COL14A1: variants seen among roughly 807,000 people sequenced by gnomAD.
COL14A1 encodes the protein collagen alpha-1(XIV) chain.
Under a neutral mutation model 230.3 loss-of-function variants are expected in COL14A1, and 136 were observed. That is an observed-to-expected ratio of 0.59 (90% CI 0.51 to 0.68). COL14A1 has a LOEUF of 0.68. Ranked by LOEUF, COL14A1 falls within the 30% of genes least tolerant of loss-of-function variation. The pLI, the probability that COL14A1 is intolerant of heterozygous loss-of-function variation, is 0.00. For synonymous variants in COL14A1, 792 were observed against 784.1 expected (o/e 1.01, Z -0.17); for missense variants, 1,976 against 2,215.8 (o/e 0.89, Z 2.17).
At chr8:120,138,033 T>TA (rs1039023510) in intron 1 of COL14A1, among the ~76,000 whole-genome samples, 2 of 152,136 alleles carry the variant, frequency 1.3e-5, no homozygotes, top group African/African-American at 4.8e-5. Flanking sequence ...ATTTTACTGT[T>TA]ACACTTAAAA....
At chr8:120,346,646 CCTTT>C (rs1389421039) in intron 45 of COL14A1, among the ~76,000 whole-genome samples, 4 of 152,302 alleles carry the variant, frequency 2.6e-5, no homozygotes, top group East Asian at 1.9e-4. Context: ...TCCTTTCCTT[CCTTT>C]GTCTTCCATA....
At chr8:120,242,164 A>G (rs1171944414) in intron 19 of COL14A1, among the ~76,000 whole-genome samples, 1 of 152,236 alleles carries the variant, frequency 6.6e-6, no homozygotes, top group Non-Finnish European at 1.5e-5. Flanking sequence ...ATCTACAAAT[A>G]TTCCTGAATC....
intron 20 of COL14A1, among the ~76,000 whole-genome samples, chr8:120,246,062 G>T (rs1024851801): frequency 3.0e-4 from 46 of 152,148 alleles, no homozygotes; most frequent in African/African-American, 1.0e-3. Context: ...GGTTCAAAAT[G>T]GTGTCAAGGG....
intron 42 of COL14A1, among the ~76,000 whole-genome samples, chr8:120,335,095 A>G (rs1489388424): frequency 6.6e-6 from 1 of 152,116 alleles, no homozygotes; most frequent in Non-Finnish European, 1.5e-5. Context: ...GGGAATGGGG[A>G]AGAAGGAAGG....
rs776559431 is a variant in COL14A1, at chr8:120,262,766, G to A, written c.2870-102G>A. 1.3e-5 allele frequency: 15 copies of A among 1,116,178 alleles called. No homozygotes were observed. In the East Asian group the frequency reaches 3.3e-4, roughly 24 times the overall value. The allele number at this position is 1,116,178 out of a possible 1,614,324, so 69.1% of individuals were successfully genotyped here. ...AACTCATTCTGGAGTTATCTGATGT[G>A]GGCTAACATGTGAAGTATTTTAGAA... On this transcript the variant is annotated intron_variant, in intron 23 of 47. Coordinates refer to ENST00000297848, the MANE Select transcript of COL14A1 (RefSeq NM_021110.4).
At position 120,262,992 on chromosome 8, in the gene COL14A1, T is replaced by C. The variant is rs1228762464; in HGVS notation, c.2994T>C (p.Ser998=). The C allele has an allele frequency of 2.5e-6, 4 of 1,609,872 alleles. No homozygotes were observed. Among genetic ancestry groups the C allele is most frequent in the Non-Finnish European group, 3.4e-6 (4 of 1,178,770 alleles). The part of the protein sequence containing the change: ...YTKLQEIEGP[S]VSIMEKTQSL... ...AGCTCCAGGAGATTGAAGGACCTAG[T>C]GTGAGCATAATGGAAAAAACACGTA... is the stretch of plus-strand genomic sequence containing the variant. Residue 998 remains serine (S), a synonymous_variant, in exon 24 of 48, where the codon AGT becomes AGC. Transcript: ENST00000297848.
intron 42 of COL14A1, among the ~76,000 whole-genome samples, chr8:120,338,037 C>G (rs141809907): frequency 7.9e-5 from 12 of 152,252 alleles, no homozygotes; most frequent in African/African-American, 2.4e-4. Flanking sequence ...CTGATGCTCT[C>G]CATTTACCAT....
chr8:120,349,944 C>T (rs1822684328), intron 45 of COL14A1, among the ~76,000 whole-genome samples: 1 of 142,692 alleles, frequency 7.0e-6, no homozygotes, highest in African/African-American at 2.7e-5. Flanking sequence ...TCAGATTCAC[C>T]AAAGTTGAAA....
intron 13 of COL14A1, among the ~76,000 whole-genome samples, chr8:120,215,419 G>T (rs1232188469): frequency 6.6e-6 from 1 of 151,618 alleles, no homozygotes; most frequent in Middle Eastern, 3.2e-3. Flanking sequence ...AAGGTAGGAA[G>T]GAAGGAAGGG....
At chr8:120,156,136 T>C (rs911415985) in intron 2 of COL14A1, among the ~76,000 whole-genome samples, 4 of 151,664 alleles carry the variant, frequency 2.6e-5, no homozygotes, top group African/African-American at 9.7e-5. Flanking sequence ...TGTGGAGCAG[T>C]AAATTCTTCA....
At chr8:120,167,732 C>A (rs1008199578) in intron 4 of COL14A1, among the ~76,000 whole-genome samples, 1 of 152,114 alleles carries the variant, frequency 6.6e-6, no homozygotes, top group African/African-American at 2.4e-5. Context: ...TGGTTAAGAT[C>A]TTTCTAGAAT....
At chr8:120,252,504 C>T (rs1477758032) in intron 22 of COL14A1, among the ~76,000 whole-genome samples, 1 of 152,152 alleles carries the variant, frequency 6.6e-6, no homozygotes, top group Non-Finnish European at 1.5e-5. Context: ...AGCACATGCC[C>T]CACTCTTGAG....
intron 5 of COL14A1, among the ~76,000 whole-genome samples, chr8:120,184,515 A>G (rs1049233199): frequency 2.0e-5 from 3 of 152,102 alleles, no homozygotes; most frequent in East Asian, 3.9e-4. Flanking sequence ...TCCGCCTCCC[A>G]AAGTGCTGGG....
At chr8:120,186,947 CA>C (rs1040287652) in intron 5 of COL14A1, among the ~76,000 whole-genome samples, 2 of 151,452 alleles carry the variant, frequency 1.3e-5, no homozygotes, top group Non-Finnish European at 1.5e-5. Context: ...GTGATGGGCA[CA>C]AAAAAAATGT....
At chr8:120,226,893 G>A (rs1219085280) in intron 16 of COL14A1, 127 bp downstream of exon 16, 2 of 844,526 alleles carry the variant, frequency 2.4e-6, no homozygotes, top group East Asian at 2.7e-5. Flanking sequence ...ACATGGCTTG[G>A]AGTTTTAGAA....
intron 44 of COL14A1, among the ~76,000 whole-genome samples, chr8:120,344,511 G>A (rs1047402249): frequency 1.3e-5 from 2 of 152,216 alleles, no homozygotes; most frequent in East Asian, 3.8e-4. Context: ...ACCTGCCCAG[G>A]CAACAATGGA....
chr8:120,317,390 G>A (rs1160011811), intron 40 of COL14A1, among the ~76,000 whole-genome samples: 5 of 152,036 alleles, frequency 3.3e-5, no homozygotes, highest in Non-Finnish European at 4.4e-5. Flanking sequence ...AAATCTCAGT[G>A]TAGTCTCTGT....
At chr8:120,260,466 G>GCAAATAA (rs367664203) in intron 23 of COL14A1, among the ~76,000 whole-genome samples, 72 of 152,180 alleles carry the variant, frequency 4.7e-4, no homozygotes, top group African/African-American at 1.7e-3. Context: ...AAACTCCTCT[G>GCAAATAA]CAAATAACAT....
At chr8:120,365,892 AAAG>A (rs1477930774) in intron 45 of COL14A1, among the ~76,000 whole-genome samples, 4 of 152,186 alleles carry the variant, frequency 2.6e-5, no homozygotes, top group African/African-American at 4.8e-5. Flanking sequence ...GACTCCTAGT[AAAG>A]AAGAAGAGCT....
Sources: gnomAD v4.1 joint callset for allele counts (sites outside exome capture counted in the v4.1 genomes callset) on GRCh38, gnomAD v4.1.1 for gene constraint, MANE v1.5 for transcripts, NCBI Gene and HGNC (gene_info 2026-07-23, HGNC 2026-07-21) for gene names.